Variants in PYROXD2 observed in about 807,000 individuals in gnomAD.
PYROXD2 encodes the protein pyridine nucleotide-disulphide oxidoreductase domain 2, also known as pyridine nucleotide-disulfide oxidoreductase domain-containing protein 2.
In PYROXD2, 69 loss-of-function variants were observed where a neutral mutation model predicts 71.1. The observed-to-expected ratio is 0.97, with a 90% confidence interval of 0.80 to 1.19. PYROXD2 has a LOEUF of 1.19. PYROXD2 is among the 50% of genes most tolerant of loss of function. PYROXD2 has a pLI of 0.00. For missense variants in PYROXD2, 745 were observed against 748.9 expected (o/e 0.99, Z 0.06); for synonymous variants, 287 against 302.7 (o/e 0.95, Z 0.54).
intron 10 of PYROXD2, among the ~76,000 whole-genome samples, chr10:98,391,760 C>A (rs1842951904): frequency 6.6e-6 from 1 of 152,174 alleles, no homozygotes; most frequent in Admixed American, 6.5e-5. Context: ...TTGCCCTTTG[C>A]CAGACCTTGA....
intron 2 of PYROXD2, 110 bp downstream of exon 2, chr10:98,410,829 C>A: frequency 2.0e-6 from 3 of 1,501,406 alleles, no homozygotes; most frequent in Non-Finnish European, 2.7e-6. Flanking sequence ...GCTGCCTTTT[C>A]CTTCTCTCTC....
rs1192010011 is a variant in PYROXD2, at chr10:98,399,401, T to C, written c.471+701A>G. On this transcript the variant is annotated intron_variant, in intron 5 of 15. Transcript: ENST00000370575. ...GCTAATATCCAGGCTTGGTACAAAA[T>C]GGCCATTCAAATAATCTTTCTATAT... Among the ~76,000 whole-genome samples, 4 of 152,332 alleles carry C rather than the reference T, an allele frequency of 2.6e-5. No homozygotes were observed. In the East Asian group the frequency reaches 7.7e-4, roughly 29 times the overall value.
rs1335888420 is a variant in PYROXD2, at chr10:98,388,146, G to A, written c.1447+208C>T. 18 of 583,078 alleles carry A rather than the reference G, an allele frequency of 3.1e-5. No individual in the cohort carries two copies. In the Admixed American group the frequency reaches 5.4e-4, roughly 17 times the overall value. The allele number at this position is 583,078 out of a possible 1,614,324, so 36.1% of individuals were successfully genotyped here. A position where few individuals can be genotyped will look rare whatever the true frequency, so the allele number is the denominator to read the frequency against. On this transcript the variant is annotated intron_variant, in intron 13 of 15. Transcript: ENST00000370575. The stretch of plus-strand genomic sequence containing the variant: ...CCTTGCTAGACTGTGAGCAACTGGA[G>A]GGCAGGAACTGTGTCTTCTTGACTT...
chr10:98,404,547 T>G (rs955760505), intron 4 of PYROXD2, among the ~76,000 whole-genome samples: 12 of 152,198 alleles, frequency 7.9e-5, no homozygotes, highest in Non-Finnish European at 1.6e-4. Flanking sequence ...TGAAGCTTTT[T>G]TCTTAAAAAA....
chr10:98,414,906 A>G, intron 1 of PYROXD2, 103 bp downstream of exon 1: 3 of 1,495,960 alleles, frequency 2.0e-6, no homozygotes, highest in African/African-American at 2.8e-5. Context: ...ATGCCAGAGG[A>G]GAGAGCAGTG....
chr10:98,394,689 CAT>C (rs1213885545), intron 8 of PYROXD2, among the ~76,000 whole-genome samples: 1 of 151,966 alleles, frequency 6.6e-6, no homozygotes, highest in Non-Finnish European at 1.5e-5. Context: ...AACCCTCACT[CAT>C]AAAGAAAAAG....
chr10:98,396,942 C>G (rs969430750), intron 6 of PYROXD2, among the ~76,000 whole-genome samples: 1 of 152,162 alleles, frequency 6.6e-6, no homozygotes, highest in Non-Finnish European at 1.5e-5. Context: ...TTCCATCTCC[C>G]GAGAAGGTTC....
Position 98,383,760 on chromosome 10 carries a change from G to C in PYROXD2, c.*38C>G. 1 of 1,577,558 alleles carries C rather than the reference G, an allele frequency of 6.3e-7. No homozygotes were observed. Among genetic ancestry groups the C allele is most frequent in the Non-Finnish European group, 8.7e-7 (1 of 1,146,672 alleles). ...ATCCAATGGAGCACTTGGAATTCAG[G>C]GGTGGAGTCTTCTTCCTGGGTCAGA... On this transcript the variant is annotated 3_prime_UTR_variant, in exon 16 of 16. Transcript: ENST00000370575.
intron 4 of PYROXD2, among the ~76,000 whole-genome samples, chr10:98,407,016 G>T (rs947830714): frequency 1.3e-5 from 2 of 148,974 alleles, no homozygotes; most frequent in African/African-American, 2.5e-5. Context: ...TCAGCCTCAA[G>T]AATGTGGTGA....
rs944582531 is a variant in PYROXD2 at position 98,383,568 on chromosome 10, T to A, written c.*230A>T. The A allele has an allele frequency of 2.6e-5, 15 of 579,796 alleles. No individual in the cohort carries two copies. The highest frequency in any genetic ancestry group is 2.4e-4 in the African/African-American group (13 of 53,300). 35.9% of individuals were successfully genotyped at this position (579,796 alleles called of 1,614,324 possible). A position where few individuals can be genotyped will look rare whatever the true frequency, so the allele number is the denominator to read the frequency against. ...CAGAGAAAAAATACAAGCAAAATAA[T>A]CTGTATGAAATATTAGTTTTAATAA... On this transcript the variant is annotated 3_prime_UTR_variant, in exon 16 of 16. Transcript: ENST00000370575.
intron 12 of PYROXD2, among the ~76,000 whole-genome samples, chr10:98,390,330 TCCCCAG>T (rs1338259074): frequency 2.0e-5 from 3 of 152,140 alleles, no homozygotes; most frequent in Non-Finnish European, 2.9e-5. Context: ...CTCCTCTTCT[TCCCCAG>T]CCCCAGCACT....
intron 10 of PYROXD2, among the ~76,000 whole-genome samples, chr10:98,392,103 A>G (rs1277537470): frequency 6.6e-6 from 1 of 152,216 alleles, no homozygotes; most frequent in Non-Finnish European, 1.5e-5. Flanking sequence ...ATCATTGACA[A>G]AGACAATGGA....
chr10:98,389,524 T>A (rs1173302660), intron 12 of PYROXD2, among the ~76,000 whole-genome samples: 1 of 152,146 alleles, frequency 6.6e-6, no homozygotes, highest in Non-Finnish European at 1.5e-5. Context: ...CCCAGCACCA[T>A]CCGAGACCCT....
Position 98,388,476 on chromosome 10 carries a change from A to C in PYROXD2, c.1325T>G (p.Leu442Arg). 1.2e-6 allele frequency: 2 copies of C among 1,611,766 alleles called. No homozygotes were observed. Among genetic ancestry groups the C allele is most frequent in the South Asian group, 1.1e-5 (1 of 90,468 alleles). The part of the protein sequence containing the change: ...PVIELCIPSS[L>R]DPTLAPPGCH... ...GCCAGGGGGAGCCAGGGTGGGGTCC[A>C]GCGAGGAAGGGATGCAGAGCTCAAT... Residue 442 changes from leucine (L) to arginine (R), a missense_variant, in exon 13 of 16, where the codon CTG (leucine) becomes CGG (arginine). Physicochemically the swap from Leu to Arg is moderately radical, Grantham distance 102. Transcript: ENST00000370575.
intron 5 of PYROXD2, 110 bp from the exon 6 acceptor site, chr10:98,397,608 C>T: frequency 2.2e-6 from 3 of 1,353,882 alleles, no homozygotes; most frequent in African/African-American, 2.9e-5. Context: ...AGGCCTCATT[C>T]CCCGCTGTGG....
At chr10:98,392,219 G>T (rs1331179273) in intron 10 of PYROXD2, among the ~76,000 whole-genome samples, 1 of 152,154 alleles carries the variant, frequency 6.6e-6, no homozygotes, top group Non-Finnish European at 1.5e-5. Context: ...CCAATGGCCG[G>T]AATCTTGGTC....
chr10:98,402,917 A>C (rs999822914), intron 4 of PYROXD2, among the ~76,000 whole-genome samples: 1 of 152,100 alleles, frequency 6.6e-6, no homozygotes, highest in African/African-American at 2.4e-5. Flanking sequence ...CATTCCGTCG[A>C]CTCTGAATAA....
intron 14 of PYROXD2, 136 bp from the exon 15 acceptor site, chr10:98,385,203 G>T: frequency 7.9e-7 from 1 of 1,261,722 alleles, no homozygotes; most frequent in Non-Finnish European, 1.1e-6. Context: ...TTAAAATGCA[G>T]AAAGGGAAGG....
At position 98,395,528 on chromosome 10, in the gene PYROXD2, A is replaced by G. The variant is rs1049331003; in HGVS notation, c.626-76T>C. The G allele has an allele frequency of 5.5e-5, 72 of 1,313,640 alleles. 2 individuals carry two copies. The Middle Eastern group carries it at 2.6e-3, about 48-fold the overall frequency. The allele number at this position is 1,313,640 out of a possible 1,614,324, so 81.4% of individuals were successfully genotyped here. A position where few individuals can be genotyped will look rare whatever the true frequency, so the allele number is the denominator to read the frequency against. On this transcript the variant is annotated intron_variant, in intron 6 of 15. Transcript: ENST00000370575. The stretch of plus-strand genomic sequence containing the variant: ...CCTCCGACCTGGCCTGGGGGATAAA[A>G]GCATGGAGGATGCTGAGACTTCCTG...
Sources: allele counts gnomAD v4.1 joint callset (sites outside exome capture counted in the v4.1 genomes callset), GRCh38; gene constraint gnomAD v4.1.1; transcripts MANE v1.5; gene names NCBI Gene and HGNC (gene_info 2026-07-23, HGNC 2026-07-21).